The following YEATS2 variants were observed in gnomAD, a reference collection of about 807,000 sequenced individuals.
The protein encoded by YEATS2 is YEATS domain-containing protein 2.
Under a neutral mutation model 163.2 loss-of-function variants are expected in YEATS2, and 77 were observed. The ratio of observed to expected loss-of-function variants is 0.47; its 90% CI spans 0.39 to 0.57. YEATS2 has a LOEUF of 0.57. Among genes scored for constraint, YEATS2 ranks in the 20% least tolerant of loss-of-function variants. The pLI is 0.00. For synonymous variants in YEATS2, 631 were observed against 645.1 expected (o/e 0.98, Z 0.33); for missense variants, 1,549 against 1,729.8 (o/e 0.90, Z 1.85).
intron 15 of YEATS2, among the ~76,000 whole-genome samples, chr3:183,770,114 T>C (rs576062602): frequency 4.6e-5 from 7 of 151,662 alleles, no homozygotes; most frequent in Admixed American, 3.3e-4. Context: ...TCTGGCCGGG[T>C]GCGGTGGCTC....
At chr3:183,724,321 A>T in intron 5 of YEATS2, 98 bp from the exon 6 acceptor site, 3 of 882,620 alleles carry the variant, frequency 3.4e-6, no homozygotes, top group Non-Finnish European at 5.1e-6. Context: ...TTTTAAAAAA[A>T]CTTAGTTATT....
At chr3:183,779,018 C>A (rs189803376) in intron 19 of YEATS2, among the ~76,000 whole-genome samples, 1 of 151,998 alleles carries the variant, frequency 6.6e-6, no homozygotes, top group African/African-American at 2.4e-5. Context: ...TCAAGCAGTT[C>A]GCCTGCCTCA....
intron 1 of YEATS2, among the ~76,000 whole-genome samples, chr3:183,700,756 G>C: frequency 7.9e-6 from 1 of 127,310 alleles, no homozygotes; most frequent in African/African-American, 3.0e-5. Context: ...GGGCGACAGA[G>C]GGAGACTTCG....
intron 6 of YEATS2, among the ~76,000 whole-genome samples, chr3:183,728,395 A>G (rs781133835): frequency 7.9e-5 from 12 of 152,250 alleles, no homozygotes; most frequent in South Asian, 4.1e-4. Context: ...GGGTCTTGCT[A>G]TGTTGCCCAG....
At chr3:183,791,374 A>G (rs1484763603) in intron 21 of YEATS2, among the ~76,000 whole-genome samples, 13 of 152,152 alleles carry the variant, frequency 8.5e-5, no homozygotes, top group Middle Eastern at 3.2e-3. Flanking sequence ...TGTATGGTAA[A>G]TTGTTAAAAG....
At chr3:183,712,227 T>TATGTTATGTTA (rs1715342537) in intron 1 of YEATS2, among the ~76,000 whole-genome samples, 2 of 55,228 alleles carry the variant, frequency 3.6e-5, no homozygotes, top group African/African-American at 4.1e-4. Flanking sequence ...ATTTTATTTT[T>TATGTTATGTTA]TGAGACAGAG....
intron 11 of YEATS2, 52 bp from the exon 12 acceptor site, chr3:183,756,476 C>A: frequency 6.8e-7 from 1 of 1,461,576 alleles, no homozygotes; most frequent in Middle Eastern, 1.8e-4. Context: ...CATCTTCTTA[C>A]GTGAGTTGAA....
At chr3:183,786,432 T>C in intron 20 of YEATS2, 131 bp downstream of exon 20, 1 of 870,932 alleles carries the variant, frequency 1.1e-6, no homozygotes, top group Non-Finnish European at 1.7e-6. Flanking sequence ...TTTAAAGAAA[T>C]ATTCACATAC....
In YEATS2 at chr3:183,786,263, C is replaced by G. The variant is rs1724053281; in HGVS notation, c.2875C>G (p.Pro959Ala). 4 of 1,613,782 alleles carry G rather than the reference C, an allele frequency of 2.5e-6. No individual in the cohort carries two copies. In the African/African-American group the frequency reaches 4.0e-5, roughly 16 times the overall value. Residue 959 changes from proline (P) to alanine (A), a missense_variant, in exon 20 of 31, where the codon CCT becomes GCT. By Grantham distance (27) the Pro-to-Ala change is conservative. Coordinates refer to ENST00000305135, the MANE Select transcript of YEATS2 (RefSeq NM_018023.5). ...AGGVITTATS[P>A]AVALSANGPA... ...AGGGGTTATCACAACTGCCACTTCCCCTGCCGTGGCCCTCTCAGCAAACGG... is the reference window on the plus strand; with the variant it reads ...AGGGGTTATCACAACTGCCACTTCCGCTGCCGTGGCCCTCTCAGCAAACGG...
At chr3:183,754,397 G>T in intron 11 of YEATS2, 32 bp downstream of exon 11, 1 of 1,567,282 alleles carries the variant, frequency 6.4e-7, no homozygotes, top group South Asian at 1.2e-5. Context: ...AGTGTATGTG[G>T]AGTTGACTGG....
chr3:183,786,063 G>A, intron 19 of YEATS2, 62 bp from the exon 20 acceptor site: 1 of 1,550,234 alleles, frequency 6.5e-7, no homozygotes, highest in South Asian at 1.2e-5. Context: ...CTGTCAGTAA[G>A]GAATGAGTTA....
intron 13 of YEATS2, 74 bp from the exon 14 acceptor site, chr3:183,761,433 T>C: frequency 7.5e-7 from 1 of 1,326,534 alleles, no homozygotes; most frequent in Non-Finnish European, 1.1e-6. Flanking sequence ...CAGGTTTGTA[T>C]TAAATATAAG....
At chr3:183,766,820 A>G (rs1041879241) in intron 15 of YEATS2, among the ~76,000 whole-genome samples, 8 of 152,006 alleles carry the variant, frequency 5.3e-5, no homozygotes, top group African/African-American at 1.7e-4. Context: ...ACCACACCCA[A>G]TTAGGTTTTT....
At chr3:183,751,975 A>G in intron 9 of YEATS2, 98 bp from the exon 10 acceptor site, 14 of 1,334,758 alleles carry the variant, frequency 1.0e-5, no homozygotes, top group Non-Finnish European at 1.4e-5. Flanking sequence ...ATTAGAAGTT[A>G]TCTCTCACAT....
At chr3:183,730,044 T>TTTTGTTTGTTTGTTTG (rs1232274438) in intron 7 of YEATS2, among the ~76,000 whole-genome samples, 1 of 89,620 alleles carries the variant, frequency 1.1e-5, no homozygotes, top group African/African-American at 4.2e-5. Context: ...TTGTGTGGTT[T>TTTTGTTTGTTTGTTTG]TTTGTTTGTT....
In YEATS2 at chr3:183,715,252, T is replaced by G. The variant is rs747780648; in HGVS notation, c.90T>G (p.Ile30Met). Residue 30 changes from isoleucine (I) to methionine (M), a missense_variant, in exon 2 of 31, where the codon ATT becomes ATG. Coordinates refer to ENST00000305135, the MANE Select transcript of YEATS2 (RefSeq NM_018023.5). ...TTCCAAATAAGCGGCATAAAGCAATTGAGAATTCAGGTAGAAATCCTGCCT... is the reference window on the plus strand; with the variant it reads ...TTCCAAATAAGCGGCATAAAGCAATGGAGAATTCAGGTAGAAATCCTGCCT... ...VALPNKRHKA[I>M]ENSARDAAVQ... The G allele has an allele frequency of 7.5e-6, 12 of 1,607,456 alleles. 1 individual carries two copies. The South Asian group carries it at 1.3e-4, about 18-fold the overall frequency.
intron 1 of YEATS2, among the ~76,000 whole-genome samples, chr3:183,709,243 G>A (rs941499052): frequency 2.0e-5 from 3 of 152,128 alleles, no homozygotes; most frequent in African/African-American, 7.2e-5. Flanking sequence ...AATGGATATG[G>A]TATGTTTTAA....
rs1715694279 is a variant in YEATS2, at chr3:183,715,062, G to A, written c.-19-82G>A. The A allele has an allele frequency of 1.8e-5, 13 of 718,852 alleles. No individual in the cohort carries two copies. The South Asian group carries it at 2.4e-4, about 13-fold the overall frequency. The allele number at this position is 718,852 out of a possible 1,614,324, so 44.5% of individuals were successfully genotyped here. A position where few individuals can be genotyped will look rare whatever the true frequency, so the allele number is the denominator to read the frequency against. Reference sequence around the variant, plus strand: ...TTATTTTGTTTGTACACATATATTTGTAAGTACTGGTATGCAGTGTTACTA... The same window carrying A: ...TTATTTTGTTTGTACACATATATTTATAAGTACTGGTATGCAGTGTTACTA... On this transcript the variant is annotated intron_variant, in intron 1 of 30. Transcript: ENST00000305135.
intron 17 of YEATS2, among the ~76,000 whole-genome samples, chr3:183,774,749 G>A (rs757250950): frequency 1.2e-4 from 18 of 152,158 alleles, no homozygotes; most frequent in Non-Finnish European, 2.1e-4. Flanking sequence ...GAAGTTAACC[G>A]CCCTTGCCAA....
Sources: gnomAD v4.1 joint callset for allele counts (sites outside exome capture counted in the v4.1 genomes callset) on GRCh38, gnomAD v4.1.1 for gene constraint, MANE v1.5 for transcripts, NCBI Gene and HGNC (gene_info 2026-07-23, HGNC 2026-07-21) for gene names.